MROH2A: variants seen among roughly 807,000 people sequenced by gnomAD.
MROH2A encodes maestro heat-like repeat-containing protein family member 2A.
MROH2A carries 174 observed loss-of-function variants against 200.4 expected under a neutral mutation model. The observed-to-expected ratio is 0.87, with a 90% CI of 0.77 to 0.98. The LOEUF (loss-of-function observed/expected upper bound fraction) is 0.98. MROH2A is among the 50% of genes least tolerant of loss of function. MROH2A has a pLI of 0.00. For missense variants in MROH2A, 2,045 were observed against 2,139.6 expected (o/e 0.96, Z 0.87); for synonymous variants, 829 against 840.4 (o/e 0.99, Z 0.23).
intron 14 of MROH2A, 22 bp downstream of exon 14, chr2:233,800,337 C>A: frequency 7.0e-7 from 1 of 1,436,560 alleles, no homozygotes; most frequent in Non-Finnish European, 9.5e-7. Context: ...CTGCCCCACC[C>A]GCACAGTGGG....
In MROH2A at chr2:233,810,905, A is replaced by G; in HGVS notation, c.2560A>G (p.Ser854Gly). 6.5e-7 allele frequency: 1 copy of G among 1,550,120 alleles called. No homozygotes were observed. Among genetic ancestry groups the G allele is most frequent in the Middle Eastern group, 1.7e-4 (1 of 5,990 alleles). Reference sequence around the variant, plus strand: ...CTTTGCCCAGAAGACGACTCTTACCAGCATTATAGTGGTAAGCTGGGTGGG... The same window carrying G: ...CTTTGCCCAGAAGACGACTCTTACCGGCATTATAGTGGTAAGCTGGGTGGG... ...FHFAQKTTLTSIIVAVIKAEP... is the reference protein window; with the variant it reads ...FHFAQKTTLTGIIVAVIKAEP... The change falls in exon 23 of 42, where the codon AGC (serine) becomes GGC (glycine). Residue 854 changes from serine to glycine, a missense_variant. By Grantham distance (56) the Ser-to-Gly change is moderately conservative. Coordinates refer to ENST00000389758, the MANE Select transcript of MROH2A (RefSeq NM_001394639.1).
chr2:233,780,841 T>G (rs1464725612), intron 3 of MROH2A, among the ~76,000 whole-genome samples: 1 of 152,188 alleles, frequency 6.6e-6, no homozygotes, highest in Non-Finnish European at 1.5e-5. Flanking sequence ...ATTCCTTCTC[T>G]CCAGCTGTAA....
At chr2:233,784,653 G>A (rs193109034) in intron 3 of MROH2A, among the ~76,000 whole-genome samples, 2 of 152,228 alleles carry the variant, frequency 1.3e-5, no homozygotes, top group East Asian at 3.9e-4. Flanking sequence ...CGCCTCCTCT[G>A]TCTCGCCTTC....
At position 233,807,607 on chromosome 2, in the gene MROH2A, T is replaced by C; in HGVS notation, c.2172+65T>C. The C allele has an allele frequency of 6.5e-7, 1 of 1,544,732 alleles. No homozygotes were observed. The highest frequency in any genetic ancestry group is 8.7e-7 in the Non-Finnish European group (1 of 1,143,340). Reference sequence around the variant, plus strand: ...TCTGGACCCTCGGGGACATGTGTGTTCATGTGGCTGCATGCGTTTTGTGTG... The same window carrying C: ...TCTGGACCCTCGGGGACATGTGTGTCCATGTGGCTGCATGCGTTTTGTGTG... On this transcript the variant is annotated intron_variant, in intron 20 of 41. Transcript: ENST00000389758. The surrounding 1 kb of genome is among the most constrained non-coding windows in gnomAD (Gnocchi z 4.3).
At chr2:233,827,244 T>C (rs1170770227) in intron 35 of MROH2A, among the ~76,000 whole-genome samples, 1 of 152,228 alleles carries the variant, frequency 6.6e-6, no homozygotes, top group African/African-American at 2.4e-5. Flanking sequence ...AGGAATATAA[T>C]CATTCTATTA....
At chr2:233,779,543 T>C in intron 2 of MROH2A, 91 bp downstream of exon 2, 2 of 1,391,838 alleles carry the variant, frequency 1.4e-6, no homozygotes, top group Non-Finnish European at 2.0e-6. Context: ...CCTTTCTCCA[T>C]CTGCACAGTG....
At chr2:233,829,820 T>A (rs1704596101) in intron 38 of MROH2A, 45 bp downstream of exon 38, 1 of 1,289,136 alleles carries the variant, frequency 7.8e-7, no homozygotes, top group East Asian at 3.1e-5. Flanking sequence ...GGGCCCGCTG[T>A]TCCCCGAGGA....
At chr2:233,815,587 G>A (rs529794150) in intron 26 of MROH2A, among the ~76,000 whole-genome samples, 1 of 152,170 alleles carries the variant, frequency 6.6e-6, no homozygotes, top group Admixed American at 6.5e-5. Flanking sequence ...ACGGGTCAAA[G>A]TTTATTTTAA....
intron 3 of MROH2A, among the ~76,000 whole-genome samples, chr2:233,780,695 T>TA (rs1167077587): frequency 6.6e-6 from 1 of 152,248 alleles, no homozygotes; most frequent in Non-Finnish European, 1.5e-5. Flanking sequence ...GTAATTAGTA[T>TA]ATCCAACACT....
Position 233,828,746 on chromosome 2 carries a change from C to T in MROH2A, c.4230C>T (p.Ala1410=), listed in dbSNP as rs1046448643. The T allele has an allele frequency of 1.9e-6, 3 of 1,550,502 alleles. No individual in the cohort carries two copies. Among genetic ancestry groups the T allele is most frequent in the Non-Finnish European group, 2.6e-6 (3 of 1,146,924 alleles). The change falls in exon 36 of 42, where the codon GCC becomes GCT. Residue 1410 remains alanine (A), a synonymous_variant. Transcript: ENST00000389758. This position sits in a 1 kb window ranked among gnomAD's most constrained non-coding sequence, Gnocchi z 4.6. ...DEALRVLSLR[A]LGNMALGAPK... ...CCCTGCGGGTGCTGTCCCTGCGCGC[C>T]CTCGGCAACATGGCCCTGGGCGCCC... is the stretch of plus-strand genomic sequence containing the variant.
At chr2:233,822,613 G>C in intron 33 of MROH2A, 57 bp downstream of exon 33, 5 of 1,512,660 alleles carry the variant, frequency 3.3e-6, no homozygotes, top group Non-Finnish European at 3.6e-6. Flanking sequence ...GTAGCCACGG[G>C]CTGCCCCTTA....
chr2:233,821,774 G>T (rs951303492), intron 31 of MROH2A, among the ~76,000 whole-genome samples: 1 of 151,978 alleles, frequency 6.6e-6, no homozygotes, highest in Admixed American at 6.6e-5. Context: ...GAAAGCTACC[G>T]ACAACCAACC....
chr2:233,775,941 C>T (rs1290939789), upstream of MROH2A, among the ~76,000 whole-genome samples: 1 of 152,146 alleles, frequency 6.6e-6, no homozygotes, highest in African/African-American at 2.4e-5. Context: ...GGGGGCTTTT[C>T]CCCCTCTTGC....
Position 233,779,744 on chromosome 2 carries a change from A to G in MROH2A, c.168A>G (p.Ala56=), listed in dbSNP as rs2126076683. The G allele has an allele frequency of 1.9e-6, 3 of 1,551,122 alleles. No homozygotes were observed. Among genetic ancestry groups the G allele is most frequent in the South Asian group, 1.2e-5 (1 of 84,058 alleles). Residue 56 remains alanine (A), a synonymous_variant, in exon 3 of 42, where the codon GCA becomes GCG. Transcript: ENST00000389758. ...SESAKTDTTG[A]GLDMRKTLAS... ...CAGCAAAGACGGACACAACAGGGGC[A>G]GGCCTTGACATGCGGAAGACCCTGG...
At position 233,807,915 on chromosome 2, in the gene MROH2A, C is replaced by G; in HGVS notation, c.2295+60C>G. On this transcript the variant is annotated intron_variant, in intron 21 of 41. Coordinates refer to ENST00000389758, the MANE Select transcript of MROH2A (RefSeq NM_001394639.1). The surrounding 1 kb of genome is among the most constrained non-coding windows in gnomAD (Gnocchi z 4.3). ...ATCTCTTAGCACAGTGCTCTGGGCA[C>G]TGACACAAAGTCCTTTCTAGATCTC... The G allele has an allele frequency of 6.5e-7, 1 of 1,546,846 alleles. No homozygotes were observed. The highest frequency in any genetic ancestry group is 8.7e-7 in the Non-Finnish European group (1 of 1,144,016).
chr2:233,792,656 G>A (rs1575925883), intron 5 of MROH2A, 140 bp from the exon 6 acceptor site: 1 of 606,194 alleles, frequency 1.6e-6, no homozygotes, highest in Non-Finnish European at 3.0e-6. Context: ...CTATTTCCTG[G>A]GCCCCAGCCA....
chr2:233,830,541 C>G (rs1704657240), intron 38 of MROH2A, among the ~76,000 whole-genome samples: 1 of 152,242 alleles, frequency 6.6e-6, no homozygotes, highest in Non-Finnish European at 1.5e-5. Context: ...AGGACAAGTA[C>G]TGTCACTATG....
At chr2:233,776,011 G>T (rs1700695340), upstream of MROH2A, among the ~76,000 whole-genome samples, 1 of 152,020 alleles carries the variant, frequency 6.6e-6, no homozygotes, top group Non-Finnish European at 1.5e-5. Flanking sequence ...TTCACCTTCT[G>T]CCATGATTGT....
chr2:233,820,899 C>G lies in MROH2A; in HGVS notation c.3512+843C>G, dbSNP rs1002902959. ...AAGGGCAGCCCTGCCGTGGGTCCAG[C>G]TGGGAGGGTGGTGCAGGTGTCATGA... On this transcript the variant is annotated intron_variant, in intron 31 of 41. Transcript: ENST00000389758. The surrounding 1 kb of genome is among the most constrained non-coding windows in gnomAD (Gnocchi z 4.1). Among the ~76,000 whole-genome samples the G allele has an allele frequency of 6.6e-6, 1 of 152,168 alleles. No individual in the cohort carries two copies. The highest frequency in any genetic ancestry group is 1.5e-5 in the Non-Finnish European group (1 of 68,032).
Sources: allele counts gnomAD v4.1 joint callset (sites outside exome capture counted in the v4.1 genomes callset), GRCh38; gene constraint gnomAD v4.1.1; non-coding constraint Gnocchi (gnomAD v3.1); transcripts MANE v1.5; gene names NCBI Gene and HGNC (gene_info 2026-07-23, HGNC 2026-07-21).